Variants in GALNT13 observed in about 807,000 individuals in gnomAD.
The protein encoded by GALNT13 is UDP-GalNAc:polypeptide N-acetylgalactosaminyltransferase 13.
GALNT13 carries 28 observed loss-of-function variants against 64.2 expected under a neutral mutation model. The ratio of observed to expected loss-of-function variants is 0.44; its 90% CI spans 0.32 to 0.60. The LOEUF (loss-of-function observed/expected upper bound fraction) is 0.60, where lower values mean the gene tolerates loss of function less well. GALNT13 is among the 20% of genes least tolerant of loss of function. The pLI is 0.05. For synonymous variants in GALNT13, 214 were observed against 224.6 expected (o/e 0.95, Z 0.42); for missense variants, 577 against 669.8 (o/e 0.86, Z 1.53).
At chr2:153,251,661 C>T in the GALNT13 span, among the ~76,000 whole-genome samples, 118,184 of 141,456 alleles carry the variant, frequency 0.84, 50,340 homozygotes, top group African/African-American at 0.93. Flanking sequence ...TGATGTTCCC[C>T]TTCCTGGGTC....
intron 3 of GALNT13, among the ~76,000 whole-genome samples, chr2:153,985,232 G>A (rs1350975383): frequency 6.6e-6 from 1 of 151,964 alleles, no homozygotes; most frequent in Non-Finnish European, 1.5e-5. Context: ...TCTCAGCTAA[G>A]CGCATCACGT....
chr2:153,779,079 T>C, the GALNT13 span, among the ~76,000 whole-genome samples: 1 of 152,230 alleles, frequency 6.6e-6, no homozygotes, highest in Admixed American at 6.5e-5. Context: ...GAACAATTAA[T>C]GTTTGTGAGC....
the GALNT13 span, among the ~76,000 whole-genome samples, chr2:153,077,817 G>A: frequency 8.5e-5 from 13 of 152,100 alleles, no homozygotes; most frequent in Non-Finnish European, 1.9e-4. Context: ...AGCAAGTTTC[G>A]GGCTATTTTT....
the GALNT13 span, among the ~76,000 whole-genome samples, chr2:153,552,536 A>ATGAGACTG: frequency 6.7e-6 from 1 of 149,600 alleles, no homozygotes; most frequent in East Asian, 2.0e-4. Context: ...TAATTGTGGA[A>ATGAGACTG]TGAGACTGGT....
the GALNT13 span, among the ~76,000 whole-genome samples, chr2:153,508,704 G>A: frequency 2.9e-4 from 44 of 152,192 alleles, no homozygotes; most frequent in Non-Finnish European, 5.6e-4. Context: ...GCCTGCAGCA[G>A]TGATCCAGTT....
chr2:153,711,882 A>G, the GALNT13 span, among the ~76,000 whole-genome samples: 2 of 152,194 alleles, frequency 1.3e-5, no homozygotes, highest in African/African-American at 4.8e-5. Flanking sequence ...TTGCCAAGTC[A>G]AATGGCTAGG....
chr2:153,207,221 G>C, the GALNT13 span, among the ~76,000 whole-genome samples: 4 of 152,012 alleles, frequency 2.6e-5, no homozygotes, highest in South Asian at 2.1e-4. Flanking sequence ...TTTCTCTAGA[G>C]CTTTCTGCAA....
intron 4 of GALNT13, among the ~76,000 whole-genome samples, chr2:154,201,069 A>C (rs779464793): frequency 6.6e-6 from 1 of 152,098 alleles, no homozygotes; most frequent in African/African-American, 2.4e-5. Flanking sequence ...TAGTCACATC[A>C]AGTGGTATAT....
chr2:153,745,125 G>GT, the GALNT13 span, among the ~76,000 whole-genome samples: 24 of 152,248 alleles, frequency 1.6e-4, no homozygotes, highest in African/African-American at 5.8e-4. Context: ...TGTCCAGACA[G>GT]TGCTTGGAAG....
the GALNT13 span, among the ~76,000 whole-genome samples, chr2:153,650,552 C>G: frequency 6.6e-6 from 1 of 152,166 alleles, no homozygotes; most frequent in Non-Finnish European, 1.5e-5. Context: ...GCAGTTTCTT[C>G]CTAGCACTGA....
chr2:154,107,581 T>C (rs1164647988), intron 3 of GALNT13, among the ~76,000 whole-genome samples: 1 of 124,304 alleles, frequency 8.0e-6, no homozygotes, highest in Non-Finnish European at 1.6e-5. Flanking sequence ...AGAGTGAGAC[T>C]ACATCACAAA....
chr2:153,677,639 C>T, the GALNT13 span, among the ~76,000 whole-genome samples: 9 of 151,988 alleles, frequency 5.9e-5, no homozygotes, highest in East Asian at 5.8e-4. Context: ...GGGGACATCA[C>T]GTTATTCAAC....
intron 8 of GALNT13, among the ~76,000 whole-genome samples, chr2:154,298,747 A>AT (rs1559076154): frequency 1.3e-5 from 1 of 74,554 alleles, no homozygotes; most frequent in African/African-American, 4.6e-5. Context: ...AGTATATATA[A>AT]ATATATATAC....
intron 9 of GALNT13, among the ~76,000 whole-genome samples, chr2:154,366,585 G>A: frequency 6.6e-6 from 1 of 152,154 alleles, no homozygotes; most frequent in South Asian, 2.1e-4. Flanking sequence ...CTCCAAGTGA[G>A]CATTAATTTT....
chr2:153,831,734 C>T, the GALNT13 span, among the ~76,000 whole-genome samples: 1 of 152,188 alleles, frequency 6.6e-6, no homozygotes, highest in Non-Finnish European at 1.5e-5. Flanking sequence ...TCTTTTGAGT[C>T]ACCCAGTTGG....
intron 11 of GALNT13, among the ~76,000 whole-genome samples, chr2:154,433,422 C>A (rs1410391248): frequency 6.6e-6 from 1 of 152,020 alleles, no homozygotes; most frequent in Admixed American, 6.6e-5. Flanking sequence ...GGCCAGAGAA[C>A]AGGAAGGAGT....
At chr2:154,287,183 G>A in intron 8 of GALNT13, 1 of 1,484,752 alleles carries the variant, frequency 6.7e-7, no homozygotes, top group Non-Finnish European at 9.3e-7. Flanking sequence ...GGCTCAGCAG[G>A]AAGCAGAGAG....
chr2:154,045,743 A>G (rs1230564602), intron 3 of GALNT13, among the ~76,000 whole-genome samples: 1 of 152,198 alleles, frequency 6.6e-6, no homozygotes, highest in East Asian at 1.9e-4. Context: ...AGTTTAAGAA[A>G]AAACAAACAA....
rs185411681 is a variant in GALNT13, at chr2:153,874,370, A to G, written c.-177+2067A>G. Among the ~76,000 whole-genome samples, 9 of 151,652 alleles carry G rather than the reference A, an allele frequency of 5.9e-5. No individual in the cohort carries two copies. In the East Asian group the frequency reaches 1.8e-3, roughly 30 times the overall value. On this transcript the variant is annotated intron_variant, in intron 1 of 12. Transcript: ENST00000392825. ...TTTAAATAAATGCTTTTATTTCACCATTTCTGTGATGCTTATCCCATTCCA... is the reference window on the plus strand; with the variant it reads ...TTTAAATAAATGCTTTTATTTCACCGTTTCTGTGATGCTTATCCCATTCCA...
Sources: allele counts gnomAD v4.1 joint callset (sites outside exome capture counted in the v4.1 genomes callset), GRCh38; gene constraint gnomAD v4.1.1; transcripts MANE v1.5; gene names NCBI Gene and HGNC (gene_info 2026-07-23, HGNC 2026-07-21).